The following SUMF1 variants were observed in gnomAD, a reference collection of about 807,000 sequenced individuals.
The protein encoded by SUMF1 is sulfatase modifying factor 1, also known as formylglycine-generating enzyme.
SUMF1 carries 48 observed loss-of-function variants against 47.6 expected under a neutral mutation model. The observed-to-expected ratio is 1.01, with a 90% CI of 0.80 to 1.28. The LOEUF (loss-of-function observed/expected upper bound fraction) is 1.28. Among genes scored for constraint, SUMF1 ranks in the 50% most tolerant of loss-of-function variants. The pLI, the probability that SUMF1 is intolerant of heterozygous loss-of-function variation, is 0.00. For missense variants in SUMF1, 571 were observed against 485.4 expected, an observed-to-expected ratio of 1.18 and a Z score of -1.66; for synonymous variants, 230 against 192.1, an observed-to-expected ratio of 1.20 and a Z score of -1.63.
chr3:4,326,844 C>A (rs548119749), intron 8 of SUMF1, among the ~76,000 whole-genome samples: 2 of 152,198 alleles, frequency 1.3e-5, no homozygotes, highest in East Asian at 3.9e-4. Flanking sequence ...TATTGGCTCT[C>A]TAACATCATC....
chr3:4,148,482 A>G (rs1694245273), intron 8 of SUMF1, among the ~76,000 whole-genome samples: 1 of 152,186 alleles, frequency 6.6e-6, no homozygotes. Context: ...TTTTATGTCC[A>G]TATGTGCAAG....
chr3:4,386,589 T>A (rs74709983), intron 7 of SUMF1, among the ~76,000 whole-genome samples: 1,740 of 152,196 alleles, frequency 0.011, 32 homozygotes, highest in African/African-American at 0.04. Context: ...TGTATACCTC[T>A]TATTTCCATT....
At chr3:4,145,320 TA>T (rs1313846098) in intron 8 of SUMF1, among the ~76,000 whole-genome samples, 1 of 152,046 alleles carries the variant, frequency 6.6e-6, no homozygotes, top group African/African-American at 2.4e-5. Flanking sequence ...GGGTACCCAG[TA>T]AATATTTGCT....
chr3:4,213,169 C>T (rs564815753), intron 8 of SUMF1, among the ~76,000 whole-genome samples: 20 of 152,236 alleles, frequency 1.3e-4, no homozygotes, highest in South Asian at 8.3e-4. Context: ...AGAGAAAGGT[C>T]GGGTTACACA....
At chr3:4,424,443 A>G (rs750372590) in intron 3 of SUMF1, among the ~76,000 whole-genome samples, 3 of 152,178 alleles carry the variant, frequency 2.0e-5, no homozygotes, top group Non-Finnish European at 4.4e-5. Flanking sequence ...ACGTGAACAC[A>G]CTGTGGCCAA....
intron 8 of SUMF1, among the ~76,000 whole-genome samples, chr3:4,180,378 G>A (rs553173804): frequency 1.3e-5 from 2 of 152,240 alleles, no homozygotes; most frequent in East Asian, 3.9e-4. Context: ...AAAAGGATGA[G>A]TTCATGTCCT....
At chr3:4,171,250 A>G (rs1251472477) in intron 8 of SUMF1, among the ~76,000 whole-genome samples, 1 of 152,198 alleles carries the variant, frequency 6.6e-6, no homozygotes, top group Non-Finnish European at 1.5e-5. Flanking sequence ...TCTGCGATCT[A>G]TACCAGGATT....
intron 8 of SUMF1, among the ~76,000 whole-genome samples, chr3:4,230,013 CA>C (rs965205088): frequency 3.6e-5 from 5 of 139,960 alleles, no homozygotes; most frequent in African/African-American, 8.0e-5. Context: ...ACCTTGTCAC[CA>C]AAAAAAAAGA....
chr3:4,308,892 G>A (rs1276964565), intron 8 of SUMF1, among the ~76,000 whole-genome samples: 1 of 152,226 alleles, frequency 6.6e-6, no homozygotes, highest in African/African-American at 2.4e-5. Context: ...ATATGAGTGA[G>A]CATGGACCAT....
chr3:4,053,685 G>C (rs1198000733), intron 9 of SUMF1, among the ~76,000 whole-genome samples: 1 of 152,118 alleles, frequency 6.6e-6, no homozygotes, highest in African/African-American at 2.4e-5. Flanking sequence ...AGGGAGAATA[G>C]GGTCATAAGG....
At chr3:4,159,380 C>G (rs1198116500) in intron 8 of SUMF1, among the ~76,000 whole-genome samples, 2 of 151,024 alleles carry the variant, frequency 1.3e-5, no homozygotes, top group Non-Finnish European at 2.9e-5. Flanking sequence ...CTGAGGACAA[C>G]TTAACACTGA....
rs572919455 is a variant in SUMF1, at chr3:4,251,100, C to G, written c.1014+125230G>C. ...TTGAAAGCCTTCTGGAAAGGATTCA[C>G]CATTCTAGATACCATTAAGAACATT... is the stretch of plus-strand genomic sequence containing the variant. On this transcript the variant is annotated intron_variant and NMD_transcript_variant, in intron 8 of 12. Coordinates refer to the SUMF1 transcript ENST00000448413. 2.2e-4 allele frequency among the ~76,000 whole-genome samples: 33 copies of G among 152,238 alleles called. No homozygotes were observed. In the South Asian group the frequency reaches 5.4e-3, roughly 25 times the overall value.
chr3:4,106,948 A>T (rs1416819782), intron 8 of SUMF1, among the ~76,000 whole-genome samples: 1 of 152,126 alleles, frequency 6.6e-6, no homozygotes, highest in Non-Finnish European at 1.5e-5. Context: ...GACAAAGGCA[A>T]AACATAAAAG....
chr3:4,460,759 G>A (rs926070959), intron 1 of SUMF1, among the ~76,000 whole-genome samples: 1 of 151,784 alleles, frequency 6.6e-6, no homozygotes, highest in Admixed American at 6.6e-5. Context: ...CTGGTCTCAA[G>A]CAACTCTCCC....
intron 8 of SUMF1, among the ~76,000 whole-genome samples, chr3:4,223,680 C>T (rs1044020285): frequency 1.3e-5 from 2 of 152,132 alleles, no homozygotes; most frequent in African/African-American, 4.8e-5. Context: ...AAGATTCACC[C>T]TCCAAAATTA....
chr3:4,049,852 G>A (rs1009139280), intron 9 of SUMF1, among the ~76,000 whole-genome samples: 1 of 152,146 alleles, frequency 6.6e-6, no homozygotes, highest in East Asian at 1.9e-4. Context: ...AAGGATGAAT[G>A]TGGGGGTATT....
chr3:4,058,832 C>A (rs1695233090), intron 9 of SUMF1, among the ~76,000 whole-genome samples: 2 of 152,064 alleles, frequency 1.3e-5, no homozygotes, highest in Non-Finnish European at 1.5e-5. Context: ...CCCAATGCCC[C>A]ATTTCCAAAC....
intron 3 of SUMF1, among the ~76,000 whole-genome samples, chr3:4,441,154 T>C (rs535636474): frequency 1.7e-4 from 26 of 152,320 alleles, no homozygotes; most frequent in African/African-American, 6.3e-4. Context: ...TTGTTTGCGT[T>C]ACCACCTGAG....
intron 7 of SUMF1, among the ~76,000 whole-genome samples, chr3:4,392,796 T>C (rs1354592746): frequency 6.6e-6 from 1 of 152,046 alleles, no homozygotes; most frequent in East Asian, 1.9e-4. Context: ...AGAATCTCAT[T>C]CCCCATGGTC....
Sources: allele counts gnomAD v4.1 joint callset (sites outside exome capture counted in the v4.1 genomes callset), GRCh38; gene constraint gnomAD v4.1.1; transcripts MANE v1.5; gene names NCBI Gene and HGNC (gene_info 2026-07-23, HGNC 2026-07-21).